Variants in KIAA0825 observed in about 807,000 individuals in gnomAD.
KIAA0825 encodes uncharacterized protein KIAA0825.
In KIAA0825, 119 loss-of-function variants were observed where a neutral mutation model predicts 147.6. That is an observed-to-expected ratio of 0.81 (90% confidence interval 0.69 to 0.94). The LOEUF is 0.94. Among genes scored for constraint, KIAA0825 ranks in the 40% least tolerant of loss-of-function variants. The pLI is 0.00. For synonymous variants in KIAA0825, 470 were observed against 518.1 expected (o/e 0.91, Z 1.26); for missense variants, 1,381 against 1,472.7 (o/e 0.94, Z 1.02).
chr5:94,446,304 T>C (rs1757715244), intron 13 of KIAA0825, among the ~76,000 whole-genome samples: 1 of 152,190 alleles, frequency 6.6e-6, no homozygotes, highest in South Asian at 2.1e-4. Context: ...TCTTATAGAA[T>C]TTAGTGGAGG....
chr5:94,153,857 T>G lies in KIAA0825; in HGVS notation c.*150A>C. On this transcript the variant is annotated 3_prime_UTR_variant, in exon 21 of 21. Transcript: ENST00000682413. Reference sequence around the variant, plus strand: ...AAAATATGTAGCACCTTATCCTTTATGTGCTGTATTCCTTTTCAGTACAGA... The same window carrying G: ...AAAATATGTAGCACCTTATCCTTTAGGTGCTGTATTCCTTTTCAGTACAGA... 1.9e-6 allele frequency: 1 copy of G among 536,292 alleles called. No individual in the cohort carries two copies. The highest frequency in any genetic ancestry group is 3.3e-5 in the South Asian group (1 of 30,080). 33.2% of individuals were successfully genotyped at this position (536,292 alleles called of 1,614,324 possible).
At chr5:94,253,776 A>G (rs920608728) in intron 20 of KIAA0825, among the ~76,000 whole-genome samples, 4 of 152,250 alleles carry the variant, frequency 2.6e-5, no homozygotes, top group African/African-American at 9.6e-5. Flanking sequence ...GTCCCGCCTA[A>G]TATCAGTTCC....
chr5:94,273,951 T>C (rs1777101314), intron 20 of KIAA0825, among the ~76,000 whole-genome samples: 1 of 152,120 alleles, frequency 6.6e-6, no homozygotes, highest in Non-Finnish European at 1.5e-5. Context: ...CAAGGACTAA[T>C]AGAATATTGT....
At chr5:94,366,750 A>G (rs567520554) in intron 20 of KIAA0825, among the ~76,000 whole-genome samples, 73 of 152,284 alleles carry the variant, frequency 4.8e-4, no homozygotes, top group Non-Finnish European at 2.9e-5. Flanking sequence ...ACTTGGACAT[A>G]AATTTAATTT....
At chr5:94,422,048 T>C (rs1459256631) in intron 14 of KIAA0825, among the ~76,000 whole-genome samples, 1 of 152,196 alleles carries the variant, frequency 6.6e-6, no homozygotes, top group African/African-American at 2.4e-5. Flanking sequence ...GACTCAGCTA[T>C]AGTTTAATTC....
chr5:94,459,197 C>A lies in KIAA0825; in HGVS notation c.2246+3190G>T, dbSNP rs146382248. Among the ~76,000 whole-genome samples, 657 of 152,224 alleles carry A rather than the reference C, an allele frequency of 4.3e-3. 12 individuals carry two copies. In the Middle Eastern group the frequency reaches 0.068, roughly 16 times the overall value. On this transcript the variant is annotated intron_variant, in intron 12 of 20. Coordinates refer to ENST00000682413, the MANE Select transcript of KIAA0825 (RefSeq NM_001145678.3). ...AATAATATTCCACTGTATGGATATG[C>A]CACATTTTATGTATCCATTCACTAG... is the stretch of plus-strand genomic sequence containing the variant.
intron 10 of KIAA0825, among the ~76,000 whole-genome samples, chr5:94,466,310 T>C (rs1760489471): frequency 6.6e-6 from 1 of 152,200 alleles, no homozygotes; most frequent in Non-Finnish European, 1.5e-5. Flanking sequence ...ATGACATTTA[T>C]AAACCAGTAG....
intron 20 of KIAA0825, among the ~76,000 whole-genome samples, chr5:94,257,355 T>A (rs564074083): frequency 3.9e-5 from 6 of 152,224 alleles, no homozygotes; most frequent in African/African-American, 1.2e-4. Context: ...GCTTAACCTA[T>A]ATTTTAAAAA....
chr5:94,313,351 T>C (rs1231489973), intron 20 of KIAA0825, among the ~76,000 whole-genome samples: 3 of 151,678 alleles, frequency 2.0e-5, no homozygotes, highest in African/African-American at 7.2e-5. Flanking sequence ...TAAATTGACT[T>C]ATCCTAGTTA....
At chr5:94,459,532 C>T (rs1213670752) in intron 12 of KIAA0825, among the ~76,000 whole-genome samples, 1 of 152,080 alleles carries the variant, frequency 6.6e-6, no homozygotes, top group Non-Finnish European at 1.5e-5. Flanking sequence ...GCCATAACCT[C>T]GAAAGGCCTA....
intron 14 of KIAA0825, among the ~76,000 whole-genome samples, chr5:94,419,143 G>T (rs188592668): frequency 5.3e-5 from 8 of 152,070 alleles, no homozygotes; most frequent in African/African-American, 9.6e-5. Flanking sequence ...CCCAAGTACT[G>T]CAATTACAGG....
intron 20 of KIAA0825, among the ~76,000 whole-genome samples, chr5:94,199,323 C>T (rs912805164): frequency 6.6e-6 from 1 of 152,190 alleles, no homozygotes; most frequent in African/African-American, 2.4e-5. Context: ...TTTCTCAGCA[C>T]TCCTGGGCTG....
intron 20 of KIAA0825, among the ~76,000 whole-genome samples, chr5:94,344,985 T>G (rs950813292): frequency 6.6e-6 from 1 of 152,150 alleles, no homozygotes. Context: ...AGATGGATGG[T>G]GGTAGTGATT....
intron 1 of KIAA0825, among the ~76,000 whole-genome samples, chr5:94,614,258 G>C (rs934208244): frequency 6.6e-6 from 1 of 152,136 alleles, no homozygotes; most frequent in Admixed American, 6.5e-5. Flanking sequence ...CTGTAATACA[G>C]AGAAAAATCA....
intron 1 of KIAA0825, among the ~76,000 whole-genome samples, chr5:94,614,719 TC>T (rs750633239): frequency 1.3e-5 from 2 of 152,124 alleles, no homozygotes; most frequent in Non-Finnish European, 2.9e-5. Context: ...AAAAAAAATC[TC>T]TTTTCTTTGC....
intron 14 of KIAA0825, among the ~76,000 whole-genome samples, chr5:94,431,660 T>G (rs2042003): frequency 0.75 from 114,798 of 152,126 alleles, 44,594 homozygotes; most frequent in East Asian, 0.96. Context: ...GGTCTAGGCA[T>G]AAAAAAATAA....
intron 2 of KIAA0825, among the ~76,000 whole-genome samples, chr5:94,558,844 G>A (rs930774010): frequency 6.6e-6 from 1 of 152,176 alleles, no homozygotes; most frequent in Admixed American, 6.5e-5. Context: ...CCTATACCGG[G>A]AAGAAAGCAA....
In KIAA0825 at chr5:94,337,536, T is replaced by C. The variant is rs116786235; in HGVS notation, c.3710+46832A>G. 2.1e-3 allele frequency among the ~76,000 whole-genome samples: 326 copies of C among 152,312 alleles called. 4 individuals carry two copies. Among genetic ancestry groups the C allele is most frequent in the African/African-American group, 7.2e-3 (299 of 41,564 alleles). On this transcript the variant is annotated intron_variant, in intron 20 of 20. Transcript: ENST00000682413. ...AGTTAGTTCTGTAATTTATAATTAT[T>C]GATTAAATCTGGAGATGAGCACATT...
chr5:94,376,936 C>A (rs1747667925), intron 20 of KIAA0825, among the ~76,000 whole-genome samples: 2 of 152,212 alleles, frequency 1.3e-5, no homozygotes, highest in Non-Finnish European at 2.9e-5. Context: ...CAACTATAAA[C>A]ATTGTGTTAA....
Sources: allele counts gnomAD v4.1 joint callset (sites outside exome capture counted in the v4.1 genomes callset), GRCh38; gene constraint gnomAD v4.1.1; transcripts MANE v1.5; gene names NCBI Gene and HGNC (gene_info 2026-07-23, HGNC 2026-07-21).